PIBF1: variants seen among roughly 807,000 people sequenced by gnomAD.
PIBF1 encodes the protein progesterone immunomodulatory binding factor 1.
A neutral mutation model predicts 112.5 loss-of-function variants in PIBF1; 90 were observed. The observed-to-expected ratio is 0.80, with a 90% CI of 0.67 to 0.95. The LOEUF (loss-of-function observed/expected upper bound fraction) is 0.95, where lower values mean the gene tolerates loss of function less well. Ranked by LOEUF, PIBF1 falls within the 40% of genes least tolerant of loss-of-function variation. PIBF1 has a pLI of 0.00. For synonymous variants in PIBF1, 301 were observed against 288.6 expected (o/e 1.04, Z -0.44); for missense variants, 915 against 852.3 (o/e 1.07, Z -0.92).
intron 10 of PIBF1, among the ~76,000 whole-genome samples, chr13:72,871,250 A>G (rs1404510860): frequency 1.3e-5 from 2 of 152,128 alleles, no homozygotes; most frequent in African/African-American, 4.8e-5. Context: ...ATTCCAAAAT[A>G]TAGTTTGGGC....
At chr13:72,864,819 A>T (rs1372027104) in intron 10 of PIBF1, among the ~76,000 whole-genome samples, 1 of 152,200 alleles carries the variant, frequency 6.6e-6, no homozygotes, top group Admixed American at 6.5e-5. Flanking sequence ...TATTTCTCCC[A>T]CTTGTAAATG....
In PIBF1 at chr13:72,831,601, C is replaced by T. The variant is rs759499964; in HGVS notation, c.1098-3642C>T. ...TGAGTGAGTTTATTAATCCTGAGTTCTAGTTTGATTGCACTGTGTTCTGAG... is the reference window on the plus strand; with the variant it reads ...TGAGTGAGTTTATTAATCCTGAGTTTTAGTTTGATTGCACTGTGTTCTGAG... On this transcript the variant is annotated intron_variant, in intron 8 of 17. Coordinates refer to ENST00000326291, the MANE Select transcript of PIBF1 (RefSeq NM_006346.4). Among the ~76,000 whole-genome samples, 5 of 152,236 alleles carry T rather than the reference C, an allele frequency of 3.3e-5. No individual in the cohort carries two copies. In the East Asian group the frequency reaches 9.6e-4, roughly 29 times the overall value.
At chr13:72,899,996 C>G (rs1363042189) in intron 11 of PIBF1, among the ~76,000 whole-genome samples, 1 of 152,056 alleles carries the variant, frequency 6.6e-6, no homozygotes, top group Non-Finnish European at 1.5e-5. Context: ...GAACTCAACC[C>G]CTTTTACTAT....
chr13:72,949,509 G>T (rs766485677), intron 14 of PIBF1, among the ~76,000 whole-genome samples: 1 of 151,846 alleles, frequency 6.6e-6, no homozygotes, highest in African/African-American at 2.4e-5. Flanking sequence ...TAGAGACAGG[G>T]TTTCACCCTG....
chr13:72,787,105 G>A (rs1261623865), intron 2 of PIBF1, among the ~76,000 whole-genome samples: 7 of 152,112 alleles, frequency 4.6e-5, no homozygotes, highest in Non-Finnish European at 1.0e-4. Context: ...GTGTGTATGT[G>A]TGTATATATA....
chr13:72,971,185 A>AGTGTGTGTGTGTGTGTGT (rs771878197), intron 15 of PIBF1, among the ~76,000 whole-genome samples: 1 of 120,006 alleles, frequency 8.3e-6, no homozygotes, highest in African/African-American at 3.4e-5. Flanking sequence ...ACAGAGAGTG[A>AGTGTGTGTGTGTGTGTGT]GTGTGTGTGT....
chr13:72,913,080 AAGAC>A (rs768846696), intron 12 of PIBF1, among the ~76,000 whole-genome samples: 2 of 151,990 alleles, frequency 1.3e-5, no homozygotes, highest in Admixed American at 6.6e-5. Context: ...TATTTTTAAA[AAGAC>A]AAAAATCAGA....
At chr13:72,791,468 T>C (rs1593891370) in intron 2 of PIBF1, among the ~76,000 whole-genome samples, 1 of 152,172 alleles carries the variant, frequency 6.6e-6, no homozygotes, top group African/African-American at 2.4e-5. Context: ...AAGCACAGCA[T>C]ACTTGGGGGA....
intron 5 of PIBF1, among the ~76,000 whole-genome samples, chr13:72,812,724 C>T (rs913577726): frequency 4.6e-5 from 7 of 151,818 alleles, no homozygotes; most frequent in African/African-American, 9.7e-5. Flanking sequence ...CCAGAGGTTG[C>T]AGTGAGCCAA....
At position 72,849,502 on chromosome 13, in the gene PIBF1, G is replaced by A. The variant is rs147692828; in HGVS notation, c.1224-4555G>A. Among the ~76,000 whole-genome samples, 258 of 152,248 alleles carry A rather than the reference G, an allele frequency of 1.7e-3. 1 individual carries two copies. Among genetic ancestry groups the A allele is most frequent in the African/African-American group, 5.8e-3 (243 of 41,566 alleles). On this transcript the variant is annotated intron_variant, in intron 9 of 17. Coordinates refer to ENST00000326291, the MANE Select transcript of PIBF1 (RefSeq NM_006346.4). ...GAAATGGATTACTTATTATATGAAA[G>A]TTATTGTCTTATCTGTGGAAGGAAT...
chr13:72,826,745 G>A (rs1461322424), intron 6 of PIBF1, among the ~76,000 whole-genome samples: 2 of 152,024 alleles, frequency 1.3e-5, no homozygotes, highest in Non-Finnish European at 2.9e-5. Context: ...ATGTATGTTA[G>A]TAAGTTTTAT....
intron 16 of PIBF1, among the ~76,000 whole-genome samples, chr13:72,994,123 GAA>G (rs55880175): frequency 8.7e-4 from 131 of 150,072 alleles, no homozygotes; most frequent in African/African-American, 3.1e-3. Flanking sequence ...AAAAAAAAAA[GAA>G]AAAAAAAGGG....
chr13:72,822,615 T>C (rs950180627), intron 6 of PIBF1, among the ~76,000 whole-genome samples: 98 of 152,208 alleles, frequency 6.4e-4, no homozygotes, highest in African/African-American at 2.2e-3. Context: ...ATGTACTGCA[T>C]ATGTAATATA....
intron 14 of PIBF1, among the ~76,000 whole-genome samples, chr13:72,949,752 C>T (rs1306737451): frequency 6.6e-6 from 1 of 152,150 alleles, no homozygotes; most frequent in Non-Finnish European, 1.5e-5. Flanking sequence ...ATGTACAGTA[C>T]ATTCTATTAG....
At chr13:72,824,799 C>T (rs1196046112) in intron 6 of PIBF1, among the ~76,000 whole-genome samples, 5 of 152,146 alleles carry the variant, frequency 3.3e-5, no homozygotes, top group Admixed American at 3.3e-4. Flanking sequence ...CAGATGCTAC[C>T]TTAACCTAGT....
At chr13:72,938,654 A>T (rs1464418719) in intron 14 of PIBF1, among the ~76,000 whole-genome samples, 1 of 152,126 alleles carries the variant, frequency 6.6e-6, no homozygotes, top group African/African-American at 2.4e-5. Flanking sequence ...TCATGTTCAA[A>T]TTTTTTGTTT....
Position 72,782,200 on chromosome 13 carries a change from C to G in PIBF1, c.-197C>G. The G allele has an allele frequency of 4.4e-6, 1 of 225,840 alleles. No individual in the cohort carries two copies. The highest frequency in any genetic ancestry group is 1.3e-4 in the South Asian group (1 of 7,526). The allele number at this position is 225,840 out of a possible 1,614,324, so 14.0% of individuals were successfully genotyped here. On this transcript the variant is annotated 5_prime_UTR_variant, in exon 1 of 18. Coordinates refer to ENST00000326291, the MANE Select transcript of PIBF1 (RefSeq NM_006346.4). Reference sequence around the variant, plus strand: ...TCCTTGCGGGTGCGGAGATGGTTGTCTTGGTTACGGGTCCTAACGGTCCCC... The same window carrying G: ...TCCTTGCGGGTGCGGAGATGGTTGTGTTGGTTACGGGTCCTAACGGTCCCC...
At chr13:73,011,901 A>G (rs151147614) in intron 17 of PIBF1, among the ~76,000 whole-genome samples, 2 of 152,322 alleles carry the variant, frequency 1.3e-5, no homozygotes, top group Non-Finnish European at 2.9e-5. Flanking sequence ...CAGACAGAGA[A>G]CCTAAAACAA....
rs562082969 is a variant in PIBF1 at position 72,901,037 on chromosome 13, AAAAC to A, written c.1488+7104_1488+7107del. 7.4e-3 allele frequency: 3,205 copies of A among 434,372 alleles called. 103 individuals carry two copies. Among genetic ancestry groups the A allele is most frequent in the East Asian group, 1.0e-2 (134 of 13,416 alleles). 26.9% of individuals were successfully genotyped at this position (434,372 alleles called of 1,614,324 possible). On this transcript the variant is annotated intron_variant, in intron 11 of 17. Transcript: ENST00000326291. ...AACTCCGTCTCAAAACAAAAAGCAA[AAAAC>A]AAACAAACAAACAAAAGCTAAATAG...
Sources: allele counts gnomAD v4.1 joint callset (sites outside exome capture counted in the v4.1 genomes callset), GRCh38; gene constraint gnomAD v4.1.1; transcripts MANE v1.5; gene names NCBI Gene and HGNC (gene_info 2026-07-23, HGNC 2026-07-21).